JPH3: variants seen among roughly 807,000 people sequenced by gnomAD.
JPH3 encodes the protein junctophilin-3.
Under a neutral mutation model 59.6 loss-of-function variants are expected in JPH3, and 11 were observed. The ratio of observed to expected loss-of-function variants is 0.18; its 90% CI spans 0.12 to 0.31. JPH3 has a LOEUF of 0.31. Ranked by LOEUF, JPH3 falls within the 10% of genes least tolerant of loss-of-function variation. The pLI is 1.00. For synonymous variants in JPH3, 673 were observed against 483.6 expected, an observed-to-expected ratio of 1.39 and a Z score of -5.14; for missense variants, 1,202 against 1,105.7, an observed-to-expected ratio of 1.09 and a Z score of -1.24.
At position 87,696,730 on chromosome 16, in the gene JPH3, C is replaced by A; in HGVS notation, c.*70C>A. The A allele has an allele frequency of 1.5e-6, 2 of 1,333,992 alleles. No individual in the cohort carries two copies. Among genetic ancestry groups the A allele is most frequent in the Non-Finnish European group, 2.1e-6 (2 of 934,622 alleles). The allele number at this position is 1,333,992 out of a possible 1,614,324, so 82.6% of individuals were successfully genotyped here. ...GACATTAAAATTAAAAGCAAAACCACAAGAAGGGAAAGACCGCAACTCGGA... is the reference window on the plus strand; with the variant it reads ...GACATTAAAATTAAAAGCAAAACCAAAAGAAGGGAAAGACCGCAACTCGGA... On this transcript the variant is annotated 3_prime_UTR_variant, in exon 5 of 5. Transcript: ENST00000284262.
At chr16:87,635,740 C>T (rs940246887) in intron 1 of JPH3, among the ~76,000 whole-genome samples, 3 of 152,156 alleles carry the variant, frequency 2.0e-5, no homozygotes, top group African/African-American at 7.2e-5. Flanking sequence ...GTTTCACGGG[C>T]AAGGTTTAGG....
intron 2 of JPH3, among the ~76,000 whole-genome samples, chr16:87,646,711 G>C (rs890641782): frequency 1.3e-5 from 2 of 152,140 alleles, no homozygotes; most frequent in Non-Finnish European, 1.5e-5. Flanking sequence ...AAGCAGTTTT[G>C]GGGGCTGGGG....
intron 3 of JPH3, among the ~76,000 whole-genome samples, chr16:87,685,859 C>A (rs2033404738): frequency 6.6e-6 from 1 of 152,174 alleles, no homozygotes; most frequent in Admixed American, 6.5e-5. Context: ...TGTGCCAAAT[C>A]CCCCAAGAGA....
chr16:87,604,691 A>G lies in JPH3; in HGVS notation c.382+1163A>G, dbSNP rs920989608. 6 of 1,137,312 alleles carry G rather than the reference A, an allele frequency of 5.3e-6. No homozygotes were observed. In the African/African-American group the frequency reaches 9.7e-5, roughly 18 times the overall value. The allele number at this position is 1,137,312 out of a possible 1,614,324, so 70.5% of individuals were successfully genotyped here. ...GAGTCTCATGAAGAAAGCTCGGAAC[A>G]CCTGCTCCACGGCCACATCCAGGAG... On this transcript the variant is annotated intron_variant, in intron 1 of 4. Transcript: ENST00000284262.
At chr16:87,662,587 C>T (rs2032739849) in intron 2 of JPH3, among the ~76,000 whole-genome samples, 1 of 152,196 alleles carries the variant, frequency 6.6e-6, no homozygotes, top group African/African-American at 2.4e-5. Context: ...GAGTGAGGCT[C>T]TGCCCTCCTT....
At chr16:87,678,881 C>G (rs1415560019) in intron 2 of JPH3, among the ~76,000 whole-genome samples, 1 of 152,208 alleles carries the variant, frequency 6.6e-6, no homozygotes, top group African/African-American at 2.4e-5. Context: ...CCGCCAGCAG[C>G]TGGAGAGAGG....
At chr16:87,646,069 C>G (rs2032139204) in intron 2 of JPH3, among the ~76,000 whole-genome samples, 1 of 152,134 alleles carries the variant, frequency 6.6e-6, no homozygotes, top group South Asian at 2.1e-4. Context: ...CATGGGCTGC[C>G]CAGGCAGGAG....
At chr16:87,665,643 C>T (rs1292271409) in intron 2 of JPH3, among the ~76,000 whole-genome samples, 1 of 152,206 alleles carries the variant, frequency 6.6e-6, no homozygotes, top group Non-Finnish European at 1.5e-5. Context: ...AGGTGAGGGT[C>T]CTAGGAAGCT....
chr16:87,618,658 T>C (rs557775822), intron 1 of JPH3, among the ~76,000 whole-genome samples: 17 of 152,328 alleles, frequency 1.1e-4, no homozygotes, highest in Admixed American at 9.2e-4. Context: ...TCCGCACCTG[T>C]CATCGCCTGT....
intron 1 of JPH3, among the ~76,000 whole-genome samples, chr16:87,634,731 C>T (rs1170275842): frequency 6.6e-6 from 1 of 152,194 alleles, no homozygotes; most frequent in South Asian, 2.1e-4. Flanking sequence ...AATCAGTGGT[C>T]CAGTCCAGAA....
At chr16:87,603,568 C>A in intron 1 of JPH3, 40 bp downstream of exon 1, 1 of 1,530,774 alleles carries the variant, frequency 6.5e-7, no homozygotes, top group Non-Finnish European at 8.8e-7. Context: ...GCGGGAGGGA[C>A]GTGCTTCCGA....
In JPH3 at chr16:87,616,214, G is replaced by A. The variant is rs1567583279; in HGVS notation, c.382+12686G>A. On this transcript the variant is annotated intron_variant, in intron 1 of 4. Coordinates refer to ENST00000284262, the MANE Select transcript of JPH3 (RefSeq NM_020655.4). Reference sequence around the variant, plus strand: ...TTTGTGTGTGTGTGTGTGTGTGTGTGTGTGTGTGTGTGTGTGTGTGTGTAT... The same window carrying A: ...TTTGTGTGTGTGTGTGTGTGTGTGTATGTGTGTGTGTGTGTGTGTGTGTAT... 6.8e-3 allele frequency among the ~76,000 whole-genome samples: 1,007 copies of A among 147,334 alleles called. 13 individuals are homozygous for A. The highest frequency in any genetic ancestry group is 0.024 in the African/African-American group (944 of 40,078).
rs773264027 is a variant in JPH3, at chr16:87,644,800, C to T, written c.925C>T (p.Leu309Phe). 6.2e-7 allele frequency: 1 copy of T among 1,613,182 alleles called. No homozygotes were observed. The highest frequency in any genetic ancestry group is 8.5e-7 in the Non-Finnish European group (1 of 1,179,792). The change falls in exon 2 of 5, where the codon CTC (leucine) becomes TTC (phenylalanine). Residue 309 changes from leucine to phenylalanine, a missense_variant. Coordinates refer to ENST00000284262, the MANE Select transcript of JPH3 (RefSeq NM_020655.4). ...GFGVSQRSDG[L>F]KYEGEWASNR... ...CGGCGTGAGCCAGCGCTCGGACGGG[C>T]TCAAGTACGAGGGCGAGTGGGCCAG...
Position 87,684,276 on chromosome 16 carries a change from G to T in JPH3, c.1285+10G>T, listed in dbSNP as rs144764804. ...CAGCACCGGGAAAACGGTGAGTCTC[G>T]CCGGGCCTGATACTGGCATCGTGGG... On this transcript the variant is annotated intron_variant, in intron 3 of 4. Coordinates refer to ENST00000284262, the MANE Select transcript of JPH3 (RefSeq NM_020655.4). 1.2e-6 allele frequency: 2 copies of T among 1,613,270 alleles called. No homozygotes were observed. The highest frequency in any genetic ancestry group is 1.3e-5 in the African/African-American group (1 of 74,892).
chr16:87,617,441 A>C (rs1041826216), intron 1 of JPH3, among the ~76,000 whole-genome samples: 15 of 151,796 alleles, frequency 9.9e-5, no homozygotes, highest in African/African-American at 3.6e-4. Flanking sequence ...GCTTTCCCCC[A>C]GTGGATGCCA....
At chr16:87,620,636 T>A (rs142539222) in intron 1 of JPH3, among the ~76,000 whole-genome samples, 25 of 152,304 alleles carry the variant, frequency 1.6e-4, no homozygotes, top group Non-Finnish European at 3.1e-4. Flanking sequence ...TGGTGCTGTT[T>A]CCTGCGTTTA....
chr16:87,689,062 C>T lies in JPH3; in HGVS notation c.1286-584C>T, dbSNP rs570639340. Reference sequence around the variant, plus strand: ...GCCCCTGGGTCCTGTGGTGACCTCCCCTTCCGGGGAGCCCCGCCCTAGGAC... The same window carrying T: ...GCCCCTGGGTCCTGTGGTGACCTCCTCTTCCGGGGAGCCCCGCCCTAGGAC... On this transcript the variant is annotated intron_variant, in intron 3 of 4. Transcript: ENST00000284262. Among the ~76,000 whole-genome samples, 3 of 152,250 alleles carry T rather than the reference C, an allele frequency of 2.0e-5. No individual in the cohort carries two copies. The South Asian group carries it at 6.2e-4, about 32-fold the overall frequency.
At chr16:87,652,257 G>C (rs2032346685) in intron 2 of JPH3, among the ~76,000 whole-genome samples, 1 of 152,148 alleles carries the variant, frequency 6.6e-6, no homozygotes, top group Admixed American at 6.5e-5. Context: ...TTACAGGCGT[G>C]AGCCACCGCG....
chr16:87,610,963 T>C (rs911389725), intron 1 of JPH3, among the ~76,000 whole-genome samples: 2 of 152,210 alleles, frequency 1.3e-5, no homozygotes, highest in Non-Finnish European at 2.9e-5. Flanking sequence ...ATTCGTTCAG[T>C]CATTGGAGAA....
Sources: gnomAD v4.1 joint callset for allele counts (sites outside exome capture counted in the v4.1 genomes callset) on GRCh38, gnomAD v4.1.1 for gene constraint, MANE v1.5 for transcripts, NCBI Gene and HGNC (gene_info 2026-07-23, HGNC 2026-07-21) for gene names.